Variants in EPB41L4A observed in about 807,000 individuals in gnomAD.
The protein encoded by EPB41L4A is band 4.1-like protein 4A.
Under a neutral mutation model 108.6 loss-of-function variants are expected in EPB41L4A, and 100 were observed. The ratio of observed to expected loss-of-function variants is 0.92; its 90% confidence interval spans 0.78 to 1.09. The LOEUF is 1.09. Ranked by LOEUF, EPB41L4A falls within the 50% of genes least tolerant of loss-of-function variation. EPB41L4A has a pLI of 0.00. For missense variants in EPB41L4A, 1,030 were observed against 842.7 expected (o/e 1.22, Z -2.75); for synonymous variants, 319 against 289.0 (o/e 1.10, Z -1.05).
At chr5:112,327,173 T>C (rs751385645) in intron 1 of EPB41L4A, among the ~76,000 whole-genome samples, 3 of 152,140 alleles carry the variant, frequency 2.0e-5, no homozygotes, top group Non-Finnish European at 4.4e-5. Flanking sequence ...GCATGGTCTT[T>C]CCTGGACAAG....
At chr5:112,388,088 G>C (rs565091034) in intron 1 of EPB41L4A, among the ~76,000 whole-genome samples, 1 of 152,272 alleles carries the variant, frequency 6.6e-6, no homozygotes, top group South Asian at 2.1e-4. Context: ...AGTTGTTTCA[G>C]CAGAAATTCA....
At chr5:112,279,020 T>C (rs1444388379) in intron 3 of EPB41L4A, among the ~76,000 whole-genome samples, 3 of 134,994 alleles carry the variant, frequency 2.2e-5, no homozygotes, top group Admixed American at 8.5e-5. Context: ...AGCCAAGAGC[T>C]CGCCACTGCA....
chr5:112,329,973 C>T (rs1287182883), intron 1 of EPB41L4A, among the ~76,000 whole-genome samples: 1 of 152,088 alleles, frequency 6.6e-6, no homozygotes, highest in Non-Finnish European at 1.5e-5. Flanking sequence ...AACCGGATGT[C>T]CTTATTTGCA....
intron 1 of EPB41L4A, among the ~76,000 whole-genome samples, chr5:112,393,950 A>T (rs1011611837): frequency 6.6e-6 from 1 of 152,216 alleles, no homozygotes; most frequent in Non-Finnish European, 1.5e-5. Flanking sequence ...CAAATCAATA[A>T]ATGTAATCCA....
At chr5:112,339,475 T>TAGATATATATCTATATATCTAG in intron 1 of EPB41L4A, among the ~76,000 whole-genome samples, 1 of 10,200 alleles carries the variant, frequency 9.8e-5, no homozygotes, top group African/African-American at 2.4e-4. Context: ...TATATATATC[T>TAGATATATATCTATATATCTAG]ATATATATAT....
chr5:112,250,045 C>A lies in EPB41L4A; in HGVS notation c.795+9184G>T, dbSNP rs12653798. Among the ~76,000 whole-genome samples, 16 of 151,930 alleles carry A rather than the reference C, an allele frequency of 1.1e-4. 1 individual carries two copies. The highest frequency in any genetic ancestry group is 3.4e-4 in the African/African-American group (14 of 41,360). Reference sequence around the variant, plus strand: ...CACATTTTTTTAAAAAATTTTGAAACGTATGTAATATGGTTACGTATTTTT... The same window carrying A: ...CACATTTTTTTAAAAAATTTTGAAAAGTATGTAATATGGTTACGTATTTTT... On this transcript the variant is annotated intron_variant, in intron 9 of 22. Coordinates refer to ENST00000261486, the MANE Select transcript of EPB41L4A (RefSeq NM_022140.5).
chr5:112,229,929 A>T (rs1306194240), intron 12 of EPB41L4A, among the ~76,000 whole-genome samples: 1 of 150,544 alleles, frequency 6.6e-6, no homozygotes, highest in Non-Finnish European at 1.5e-5. Flanking sequence ...CAGAGTTTGC[A>T]GTGAGCCGAG....
chr5:112,167,376 A>G (rs991170014), intron 22 of EPB41L4A, among the ~76,000 whole-genome samples: 3 of 152,200 alleles, frequency 2.0e-5, no homozygotes, highest in African/African-American at 7.2e-5. Flanking sequence ...ACAACCTATT[A>G]GCTCTCCCAG....
At chr5:112,328,023 G>T (rs922127399) in intron 1 of EPB41L4A, among the ~76,000 whole-genome samples, 1 of 152,124 alleles carries the variant, frequency 6.6e-6, no homozygotes, top group African/African-American at 2.4e-5. Flanking sequence ...AATATTGGGG[G>T]AGAAGGCCGG....
At chr5:112,344,427 T>C (rs994886411) in intron 1 of EPB41L4A, among the ~76,000 whole-genome samples, 3 of 152,244 alleles carry the variant, frequency 2.0e-5, no homozygotes, top group Non-Finnish European at 2.9e-5. Context: ...GAGATGTGGA[T>C]GAGGCAAGAC....
At chr5:112,367,377 C>A (rs1759186343) in intron 1 of EPB41L4A, among the ~76,000 whole-genome samples, 2 of 152,192 alleles carry the variant, frequency 1.3e-5, no homozygotes, top group African/African-American at 4.8e-5. Flanking sequence ...GTCTCCAAGA[C>A]CTTTAATGAA....
chr5:112,152,020 C>A (rs913299358), intron 12 of EPB41L4A, among the ~76,000 whole-genome samples: 4 of 152,198 alleles, frequency 2.6e-5, no homozygotes. Context: ...GCGTGAGCCA[C>A]CATTCCCAGC....
chr5:112,157,364 G>T (rs902323148), intron 12 of EPB41L4A, among the ~76,000 whole-genome samples: 1 of 152,176 alleles, frequency 6.6e-6, no homozygotes, highest in African/African-American at 2.4e-5. Flanking sequence ...ATCGAGATGG[G>T]ACAAGAAATG....
At chr5:112,389,297 T>G (rs1012176184) in intron 1 of EPB41L4A, among the ~76,000 whole-genome samples, 2 of 152,220 alleles carry the variant, frequency 1.3e-5, no homozygotes, top group African/African-American at 4.8e-5. Flanking sequence ...TTTAATATTG[T>G]TAAATAAAAA....
At chr5:112,314,486 T>A (rs1755279103) in intron 1 of EPB41L4A, among the ~76,000 whole-genome samples, 1 of 99,690 alleles carries the variant, frequency 1.0e-5, no homozygotes. Flanking sequence ...TCACCAACAA[T>A]GTGAAACCCC....
intron 2 of EPB41L4A, among the ~76,000 whole-genome samples, chr5:112,294,548 G>C (rs1292674452): frequency 6.6e-6 from 1 of 152,004 alleles, no homozygotes; most frequent in African/African-American, 2.4e-5. Context: ...TGGGGGGTCG[G>C]GGAAAGCTTC....
intron 12 of EPB41L4A, among the ~76,000 whole-genome samples, chr5:112,157,031 G>A (rs917293990): frequency 2.6e-5 from 4 of 151,306 alleles, no homozygotes; most frequent in African/African-American, 4.9e-5. Flanking sequence ...TATTTGCCCC[G>A]AAAATATAAA....
intron 20 of EPB41L4A, 106 bp downstream of exon 20, chr5:112,170,195 T>C: frequency 8.6e-7 from 1 of 1,158,694 alleles, no homozygotes; most frequent in East Asian, 2.5e-5. Context: ...TTGTTTAAAA[T>C]GTAAAGACAA....
chr5:112,360,547 T>C (rs7713495), intron 1 of EPB41L4A, among the ~76,000 whole-genome samples: 34,592 of 152,152 alleles, frequency 0.23, 4,683 homozygotes, highest in African/African-American at 0.37. Flanking sequence ...GGTGCCGGGA[T>C]TGCAGACGGA....
Sources: gnomAD v4.1 joint callset for allele counts (sites outside exome capture counted in the v4.1 genomes callset) on GRCh38, gnomAD v4.1.1 for gene constraint, MANE v1.5 for transcripts, NCBI Gene and HGNC (gene_info 2026-07-23, HGNC 2026-07-21) for gene names.